The following GARNL3 variants were observed in gnomAD, a reference collection of about 807,000 sequenced individuals.
GARNL3 encodes GTPase activating Rap/RanGAP domain like 3, also known as GTPase-activating Rap/Ran-GAP domain-like protein 3.
A neutral mutation model predicts 125.0 loss-of-function variants in GARNL3; 63 were observed. That is an observed-to-expected ratio of 0.50 (90% CI 0.41 to 0.62). The LOEUF is 0.62. GARNL3 is among the 20% of genes least tolerant of loss of function. GARNL3 has a pLI of 0.00. For missense variants in GARNL3, 994 were observed against 1,244.0 expected (o/e 0.80, Z 3.02); for synonymous variants, 439 against 457.5 (o/e 0.96, Z 0.52).
At chr9:127,307,990 C>T (rs909415852) in intron 2 of GARNL3, among the ~76,000 whole-genome samples, 29 of 152,086 alleles carry the variant, frequency 1.9e-4, no homozygotes, top group Non-Finnish European at 2.9e-4. Context: ...GTCATGCCAT[C>T]GCTGCATGCC....
At chr9:127,225,519 A>AGGAGACCGGGCGC (rs2062891970) in intron 1 of GARNL3, 1 of 338,736 alleles carries the variant, frequency 3.0e-6, no homozygotes. Flanking sequence ...GGAGGTTCTC[A>AGGAGACCGGGCGC]GGAGACCGGG....
chr9:127,362,234 A>ACTTTT (rs200071184), intron 21 of GARNL3: 1 of 145,762 alleles, frequency 6.9e-6, no homozygotes. Context: ...ACACCCGACT[A>ACTTTT]ATTTTTTTTT....
chr9:127,380,204 G>GTGTGTT (rs1164277561), intron 22 of GARNL3, among the ~76,000 whole-genome samples: 1 of 148,486 alleles, frequency 6.7e-6, no homozygotes, highest in Non-Finnish European at 1.5e-5. Flanking sequence ...AAAAATATGT[G>GTGTGTT]TGTGTGTGTG....
upstream of GARNL3, among the ~76,000 whole-genome samples, chr9:127,259,272 G>A (rs2063544085): frequency 6.6e-6 from 1 of 152,150 alleles, no homozygotes. Context: ...TCTCATCCCA[G>A]GCCATATTTA....
chr9:127,343,290 C>T (rs1250683883), intron 14 of GARNL3, among the ~76,000 whole-genome samples: 1 of 152,016 alleles, frequency 6.6e-6, no homozygotes, highest in African/African-American at 2.4e-5. Flanking sequence ...ACCCCAGGAC[C>T]CTAAAGAGCA....
At chr9:127,365,563 C>T (rs1313491620) in intron 22 of GARNL3, among the ~76,000 whole-genome samples, 197 bp downstream of exon 22, 1 of 152,180 alleles carries the variant, frequency 6.6e-6, no homozygotes, top group Non-Finnish European at 1.5e-5. Context: ...TGACACAGTG[C>T]AAGAACTGGC....
intron 17 of GARNL3, among the ~76,000 whole-genome samples, chr9:127,350,707 C>T (rs1435311587): frequency 2.6e-5 from 4 of 151,626 alleles, no homozygotes; most frequent in Admixed American, 6.6e-5. Context: ...ACCCAGGAGG[C>T]GGAGGTTGCA....
intron 16 of GARNL3, among the ~76,000 whole-genome samples, chr9:127,346,858 A>C (rs902380638): frequency 2.6e-5 from 4 of 152,144 alleles, no homozygotes; most frequent in Admixed American, 2.6e-4. Context: ...AGCTGTGGTC[A>C]TGTTCTTAGA....
intron 22 of GARNL3, among the ~76,000 whole-genome samples, chr9:127,380,192 C>A (rs1320853755): frequency 8.5e-6 from 1 of 117,448 alleles, no homozygotes; most frequent in Non-Finnish European, 1.8e-5. Context: ...GACTCTGTCT[C>A]AAAAAATATG....
intron 2 of GARNL3, among the ~76,000 whole-genome samples, chr9:127,297,875 T>A (rs2064652289): frequency 6.6e-6 from 1 of 152,254 alleles, no homozygotes; most frequent in Admixed American, 6.5e-5. Context: ...AGTCTTCTTT[T>A]CAATTTGCAG....
In GARNL3 at chr9:127,280,168, G is replaced by A. The variant is rs575682666; in HGVS notation, c.145-11000G>A. ...TGTCTAGATCAAAAAACAGGATGCAGATTGTGAAGAGGTTAAATCTCCCCC... is the reference window on the plus strand; with the variant it reads ...TGTCTAGATCAAAAAACAGGATGCAAATTGTGAAGAGGTTAAATCTCCCCC... On this transcript the variant is annotated intron_variant, in intron 1 of 27. Transcript: ENST00000373387. The surrounding 1 kb of genome is among the most constrained non-coding windows in gnomAD (Gnocchi z 4.5). Among the ~76,000 whole-genome samples the A allele has an allele frequency of 1.3e-5, 2 of 152,342 alleles. No homozygotes were observed. The highest frequency in any genetic ancestry group is 4.8e-5 in the African/African-American group (2 of 41,578).
chr9:127,301,629 T>A (rs2131415799), intron 2 of GARNL3, among the ~76,000 whole-genome samples: 1 of 152,280 alleles, frequency 6.6e-6, no homozygotes, highest in South Asian at 2.1e-4. Flanking sequence ...CTACATTGAA[T>A]TTAATCTCAT....
intron 11 of GARNL3, among the ~76,000 whole-genome samples, chr9:127,337,777 G>C (rs1264775108): frequency 2.6e-5 from 4 of 152,226 alleles, no homozygotes; most frequent in African/African-American, 9.6e-5. Context: ...TTGGGATCTT[G>C]TTTGTACTTC....
At chr9:127,254,128 T>C (rs1042666337) in intron 2 of GARNL3, among the ~76,000 whole-genome samples, 1 of 152,192 alleles carries the variant, frequency 6.6e-6, no homozygotes, top group East Asian at 1.9e-4. Flanking sequence ...AATCACCTAT[T>C]AAATGTATTT....
rs2131147071 is a variant in GARNL3 at position 127,235,549 on chromosome 9, G to C, written c.-28-7530G>C. 1.3e-5 allele frequency among the ~76,000 whole-genome samples: 2 copies of C among 152,228 alleles called. 1 individual carries two copies. Among genetic ancestry groups the C allele is most frequent in the South Asian group, 4.2e-4 (2 of 4,816 alleles). On this transcript the variant is annotated intron_variant, in intron 1 of 10. Transcript: ENST00000439286. ...TCATATAAATCCCAAGTGAAATGTA[G>C]ACTTGAGACTTGAATGTGAAATCAT...
chr9:127,237,107 G>A (rs1307395394), intron 1 of GARNL3, among the ~76,000 whole-genome samples: 4 of 152,208 alleles, frequency 2.6e-5, no homozygotes, highest in Non-Finnish European at 1.5e-5. Context: ...CTGGAGAGCC[G>A]ACTGCTGTCT....
At chr9:127,226,195 C>A (rs80214793) in intron 1 of GARNL3, among the ~76,000 whole-genome samples, 3,517 of 152,316 alleles carry the variant, frequency 0.023, 124 homozygotes, top group African/African-American at 0.081. Context: ...TCACCCGCAG[C>A]AGTGGTAGGG....
rs951945523 is a variant in GARNL3, at chr9:127,393,327, T to C, written c.*73T>C. ...TACTCTTTAAACAGTTCTGATGTAA[T>C]TTCTCAACAAAATGTGGCTTTTAGC... On this transcript the variant is annotated 3_prime_UTR_variant, in exon 28 of 28. Coordinates refer to ENST00000373387, the MANE Select transcript of GARNL3 (RefSeq NM_032293.5). 12 of 1,403,250 alleles carry C rather than the reference T, an allele frequency of 8.6e-6. 1 individual carries two copies. The African/African-American group carries it at 1.4e-4, about 17-fold the overall frequency. The allele number at this position is 1,403,250 out of a possible 1,614,324, so 86.9% of individuals were successfully genotyped here. A position where few individuals can be genotyped will look rare whatever the true frequency, so the allele number is the denominator to read the frequency against.
chr9:127,236,128 C>T (rs1381015944), intron 1 of GARNL3, among the ~76,000 whole-genome samples: 1 of 152,156 alleles, frequency 6.6e-6, no homozygotes, highest in Non-Finnish European at 1.5e-5. Flanking sequence ...CTTGGCTAGA[C>T]CTGAAATCAC....
Sources: gnomAD v4.1 joint callset for allele counts (sites outside exome capture counted in the v4.1 genomes callset) on GRCh38, gnomAD v4.1.1 for gene constraint, Gnocchi (gnomAD v3.1) non-coding constraint, MANE v1.5 for transcripts, NCBI Gene and HGNC (gene_info 2026-07-23, HGNC 2026-07-21) for gene names.